Variants in LAMA3 observed in about 807,000 individuals in gnomAD.
The protein encoded by LAMA3 is laminin subunit alpha 3.
LAMA3 carries 281 observed loss-of-function variants against 402.0 expected under a neutral mutation model. The ratio of observed to expected loss-of-function variants is 0.70; its 90% CI spans 0.63 to 0.77. LAMA3 has a LOEUF of 0.77. LAMA3 is among the 30% of genes least tolerant of loss of function. LAMA3 has a pLI of 0.00. For missense variants in LAMA3, 3,840 were observed against 4,215.5 expected, an observed-to-expected ratio of 0.91 and a Z score of 2.47; for synonymous variants, 1,431 against 1,558.4, an observed-to-expected ratio of 0.92 and a Z score of 1.93.
At position 23,756,944 on chromosome 18, in the gene LAMA3, CCCCCGCCCCG is replaced by C. The variant is rs968427931; in HGVS notation, c.948-1437_948-1428del. On this transcript the variant is annotated intron_variant, in intron 6 of 74. Coordinates refer to ENST00000313654, the MANE Select transcript of LAMA3 (RefSeq NM_198129.4). ...CCCTGCCCCCGCCCCCCACTCCCTTCCCCCGCCCCGCCCCGCCCCGCCCCAGTAACTGGCT... is the reference window on the plus strand; with the variant it reads ...CCCTGCCCCCGCCCCCCACTCCCTTCCCCCGCCCCGCCCCAGTAACTGGCT... Among the ~76,000 whole-genome samples, 653 of 117,376 alleles carry C rather than the reference CCCCCGCCCCG, an allele frequency of 5.6e-3. 7 individuals are homozygous for C. The highest frequency in any genetic ancestry group is 0.019 in the African/African-American group (619 of 31,890). The allele number at this position is 117,376 out of a possible 152,430, so 77.0% of individuals were successfully genotyped here.
chr18:23,861,022 C>T (rs2064206389), intron 34 of LAMA3, among the ~76,000 whole-genome samples: 1 of 152,032 alleles, frequency 6.6e-6, no homozygotes, highest in South Asian at 2.1e-4. Context: ...ATTTTACTGC[C>T]TGCCTATTTC....
At chr18:23,950,002 A>T (rs1367135882) in intron 71 of LAMA3, 27 bp from the exon 72 acceptor site, 2 of 1,613,902 alleles carry the variant, frequency 1.2e-6, no homozygotes, top group Non-Finnish European at 1.7e-6. Flanking sequence ...TGATGCTTTA[A>T]CTTTTGCTTT....
At chr18:23,928,960 AAGTAACATTATAATTTACAG>A (rs1336332652) in intron 64 of LAMA3, among the ~76,000 whole-genome samples, 195 bp downstream of exon 64, 8 of 152,368 alleles carry the variant, frequency 5.3e-5, no homozygotes, top group African/African-American at 1.9e-4. Flanking sequence ...CAAGTTTAGA[AAGTAACATTATAATTTACAG>A]AGTTGCATTT....
intron 29 of LAMA3, 42 bp from the exon 30 acceptor site, chr18:23,844,967 C>A: frequency 8.9e-7 from 1 of 1,119,486 alleles, no homozygotes; most frequent in Non-Finnish European, 1.4e-6. Context: ...AGGTCTGTGT[C>A]ATCATTGGAA....
chr18:23,798,042 G>GT (rs1452769002), intron 12 of LAMA3, among the ~76,000 whole-genome samples: 7 of 152,028 alleles, frequency 4.6e-5, no homozygotes, highest in Non-Finnish European at 8.8e-5. Flanking sequence ...TATTTAGGGG[G>GT]TTTACTCTTC....
intron 2 of LAMA3, among the ~76,000 whole-genome samples, chr18:23,729,074 T>C (rs997712564): frequency 1.4e-5 from 2 of 143,122 alleles, no homozygotes; most frequent in Admixed American, 1.4e-4. Context: ...TATTGAGGGG[T>C]GACCATACTG....
intron 2 of LAMA3, among the ~76,000 whole-genome samples, chr18:23,717,473 G>A (rs576228410): frequency 1.5e-4 from 22 of 150,042 alleles, no homozygotes; most frequent in Non-Finnish European, 2.8e-4. Context: ...TAGACTAGTT[G>A]GTGTTTTTCA....
chr18:23,715,391 A>G (rs2061079611), intron 2 of LAMA3, among the ~76,000 whole-genome samples: 1 of 152,146 alleles, frequency 6.6e-6, no homozygotes, highest in Admixed American at 6.5e-5. Flanking sequence ...CAAAACACTG[A>G]TAACTGAGCA....
chr18:23,911,618 A>G (rs1383148753), intron 55 of LAMA3, among the ~76,000 whole-genome samples: 1 of 151,896 alleles, frequency 6.6e-6, no homozygotes, highest in Non-Finnish European at 1.5e-5. Flanking sequence ...GTCCTTCACC[A>G]CAGAGAGCTC....
intron 25 of LAMA3, chr18:23,837,296 A>G (rs1483939287): frequency 1.8e-6 from 1 of 566,728 alleles, no homozygotes; most frequent in Non-Finnish European, 3.2e-6. Flanking sequence ...AAATTTAGTC[A>G]TATTTAAGCA....
intron 19 of LAMA3, 103 bp downstream of exon 19, chr18:23,820,100 T>C: frequency 8.8e-7 from 1 of 1,140,972 alleles, no homozygotes; most frequent in Admixed American, 1.9e-5. Flanking sequence ...CCAGAACTGA[T>C]TCCACGATTC....
In LAMA3 at chr18:23,768,903, C is replaced by A. The variant is rs2143813668; in HGVS notation, c.1183-4594C>A. 2.0e-5 allele frequency among the ~76,000 whole-genome samples: 3 copies of A among 152,272 alleles called. No individual in the cohort carries two copies. In the South Asian group the frequency reaches 6.2e-4, roughly 32 times the overall value. On this transcript the variant is annotated intron_variant, in intron 8 of 74. Coordinates refer to ENST00000313654, the MANE Select transcript of LAMA3 (RefSeq NM_198129.4). ...AATGCAAAACCGGAAAACCAAACGC[C>A]ACACGTTCTCACTTTCAAGTGGGAG...
rs375603769 is a variant in LAMA3, at chr18:23,815,506, C to A, written c.1980C>A (p.Gly660=). ...GDCHCKSHVG[G]DSCDTCEDGY... ...GTCACTGCAAGTCCCATGTGGGTGG[C>A]GATTCCTGCGACACCTGTGAAGATG... Residue 660 remains glycine, a synonymous_variant, in exon 17 of 75, where the codon GGC becomes GGA. Coordinates refer to ENST00000313654, the MANE Select transcript of LAMA3 (RefSeq NM_198129.4). 8 of 1,613,982 alleles carry A rather than the reference C, an allele frequency of 5.0e-6. No individual in the cohort carries two copies. The East Asian group carries it at 6.7e-5, about 13-fold the overall frequency.
At chr18:23,719,148 T>G (rs116163518) in intron 2 of LAMA3, among the ~76,000 whole-genome samples, 1 of 152,272 alleles carries the variant, frequency 6.6e-6, no homozygotes, top group African/African-American at 2.4e-5. Context: ...ATAAACTACC[T>G]CTACTCAAGT....
intron 2 of LAMA3, among the ~76,000 whole-genome samples, chr18:23,739,015 C>A (rs184235868): frequency 2.0e-5 from 3 of 152,160 alleles, no homozygotes; most frequent in African/African-American, 4.8e-5. Context: ...AAGACAGATA[C>A]CTGCACCATG....
intron 38 of LAMA3, chr18:23,872,931 C>G (rs981136980): frequency 9.8e-5 from 135 of 1,382,452 alleles, no homozygotes; most frequent in Non-Finnish European, 1.9e-5. Context: ...GGGCCCCTGC[C>G]GCAGACAGCC....
chr18:23,767,444 AC>A (rs2062098555), intron 8 of LAMA3, among the ~76,000 whole-genome samples: 1 of 152,222 alleles, frequency 6.6e-6, no homozygotes, highest in Non-Finnish European at 1.5e-5. Context: ...CAGAGGCATA[AC>A]ATTACCTGAC....
chr18:23,892,957 T>C (rs1673321650), intron 42 of LAMA3, among the ~76,000 whole-genome samples: 1 of 150,336 alleles, frequency 6.7e-6, no homozygotes, highest in Non-Finnish European at 1.5e-5. Context: ...GAACCCATGA[T>C]TATATATAAT....
intron 70 of LAMA3, among the ~76,000 whole-genome samples, chr18:23,948,063 C>T (rs901362780): frequency 3.3e-5 from 5 of 152,132 alleles, no homozygotes; most frequent in Middle Eastern, 3.2e-3. Flanking sequence ...CTGCCCTCCT[C>T]GGCCTCCCAA....
Sources: allele counts gnomAD v4.1 joint callset (sites outside exome capture counted in the v4.1 genomes callset), GRCh38; gene constraint gnomAD v4.1.1; transcripts MANE v1.5; gene names NCBI Gene and HGNC (gene_info 2026-07-23, HGNC 2026-07-21).